The following CNTNAP3 variants were observed in gnomAD, a reference collection of about 807,000 sequenced individuals.
CNTNAP3 encodes contactin-associated protein-like 3.
Under a neutral mutation model 92.1 loss-of-function variants are expected in CNTNAP3, and 36 were observed. The observed-to-expected ratio is 0.39, with a 90% confidence interval of 0.30 to 0.52. The LOEUF (loss-of-function observed/expected upper bound fraction) is 0.52, where lower values mean the gene tolerates loss of function less well. Among genes scored for constraint, CNTNAP3 ranks in the 20% least tolerant of loss-of-function variants. The pLI is 0.76. For synonymous variants in CNTNAP3, 232 were observed against 422.3 expected (o/e 0.55, Z 5.53); for missense variants, 534 against 1,069.6 (o/e 0.50, Z 6.98).
rs1459767218 is a variant in CNTNAP3, at chr9:39,272,033, G to A, written c.86-5027C>T. Among the ~76,000 whole-genome samples the A allele has an allele frequency of 3.0e-4, 6 of 19,958 alleles. 3 individuals are homozygous for A. The highest frequency in any genetic ancestry group is 4.3e-4 in the Non-Finnish European group (4 of 9,276). The allele number at this position is 19,958 out of a possible 152,430, so 13.1% of individuals were successfully genotyped here. On this transcript the variant is annotated intron_variant, in intron 1 of 23. Transcript: ENST00000297668. ...TCACCATGTTAGCCAGGATGGTATC[G>A]ATCTCCTGACCTCGTGACCCGCCTG...
intron 21 of CNTNAP3, among the ~76,000 whole-genome samples, chr9:39,079,399 T>C (rs1825877016): frequency 6.9e-6 from 1 of 145,982 alleles, no homozygotes; most frequent in African/African-American, 2.5e-5. Flanking sequence ...ATAAACTGTA[T>C]CTTTTGTCAT....
intron 14 of CNTNAP3, among the ~76,000 whole-genome samples, chr9:39,112,379 CTT>C (rs1021983261): frequency 2.7e-5 from 4 of 149,952 alleles, no homozygotes; most frequent in Non-Finnish European, 5.9e-5. Context: ...TTTTTTTTTT[CTT>C]TGAGACAGAG....
At chr9:39,109,779 C>T (rs1014809012) in intron 14 of CNTNAP3, among the ~76,000 whole-genome samples, 2 of 152,096 alleles carry the variant, frequency 1.3e-5, no homozygotes, top group African/African-American at 4.8e-5. Flanking sequence ...TTTGCCAATT[C>T]CTGATCTAAA....
chr9:39,069,698 C>A lies in CNTNAP3; in HGVS notation c.*4192G>T, dbSNP rs1306156022. On this transcript the variant is annotated 3_prime_UTR_variant, in exon 24 of 24. Coordinates refer to ENST00000297668, the MANE Select transcript of CNTNAP3 (RefSeq NM_033655.5). ...CTGCTACTACTCCTAGTAATGGCAA[C>A]TTTATGTAACCTTCTTAAGGTTACA... Among the ~76,000 whole-genome samples, 2 of 152,340 alleles carry A rather than the reference C, an allele frequency of 1.3e-5. No individual in the cohort carries two copies. Among genetic ancestry groups the A allele is most frequent in the East Asian group, 3.9e-4 (2 of 5,118 alleles).
Position 39,121,559 on chromosome 9 carries a change from C to T in CNTNAP3, c.2081-3300G>A, listed in dbSNP as rs1563884649. Among the ~76,000 whole-genome samples the T allele has an allele frequency of 2.0e-5, 3 of 152,136 alleles. No individual in the cohort carries two copies. In the East Asian group the frequency reaches 5.8e-4, roughly 29 times the overall value. ...CTAAAGCTGCAGAGACAAGTGAAAACAGCATCACAGCTAATGGAGCCAAAG... is the reference window on the plus strand; with the variant it reads ...CTAAAGCTGCAGAGACAAGTGAAAATAGCATCACAGCTAATGGAGCCAAAG... On this transcript the variant is annotated intron_variant, in intron 13 of 23. Transcript: ENST00000297668.
At position 39,109,034 on chromosome 9, in the gene CNTNAP3, C is replaced by G. The variant is rs1293447105; in HGVS notation, c.2365+126G>C. 4.2e-6 allele frequency: 6 copies of G among 1,423,246 alleles called. No homozygotes were observed. In the East Asian group the frequency reaches 1.0e-4, roughly 24 times the overall value. The allele number at this position is 1,423,246 out of a possible 1,614,324, so 88.2% of individuals were successfully genotyped here. ...GTGCCTTTATGGTATGTGTGTTTTC[C>G]TGATATTCGCCCCAGTCCTAGTACT... On this transcript the variant is annotated intron_variant, in intron 15 of 23. Transcript: ENST00000297668.
chr9:39,154,267 T>G (rs1339687237), intron 9 of CNTNAP3: 1 of 311,058 alleles, frequency 3.2e-6, no homozygotes, highest in Non-Finnish European at 6.4e-6. Flanking sequence ...TCAGATGACC[T>G]GCAAATTGGG....
chr9:39,093,349 C>A (rs1452570182), intron 18 of CNTNAP3, among the ~76,000 whole-genome samples: 3 of 146,588 alleles, frequency 2.0e-5, no homozygotes, highest in East Asian at 4.0e-4. Flanking sequence ...TAATTTCTTT[C>A]TTGATTTCAC....
At chr9:39,098,409 C>T (rs569725520) in intron 18 of CNTNAP3, among the ~76,000 whole-genome samples, 1 of 152,016 alleles carries the variant, frequency 6.6e-6, no homozygotes, top group African/African-American at 2.4e-5. Context: ...AAAGAATTTA[C>T]TGAAAATCCA....
At chr9:39,147,533 T>C (rs897732119) in intron 10 of CNTNAP3, among the ~76,000 whole-genome samples, 16 of 152,194 alleles carry the variant, frequency 1.1e-4, no homozygotes, top group Non-Finnish European at 2.1e-4. Context: ...AAATAGTAAA[T>C]AGCCTTTATT....
chr9:39,085,943 A>G, intron 20 of CNTNAP3, 120 bp from the exon 21 acceptor site: 11 of 947,230 alleles, frequency 1.2e-5, no homozygotes, highest in Non-Finnish European at 1.8e-5. Context: ...CCATTACAAA[A>G]GCTCAAGAAG....
chr9:39,087,753 T>C (rs1399773759), intron 19 of CNTNAP3, among the ~76,000 whole-genome samples: 1 of 152,160 alleles, frequency 6.6e-6, no homozygotes. Flanking sequence ...CCCAAAGTGC[T>C]GCGATTACAG....
At chr9:39,109,308 C>T (rs747175944) in intron 14 of CNTNAP3, 21 bp from the exon 15 acceptor site, 9 of 1,610,184 alleles carry the variant, frequency 5.6e-6, no homozygotes, top group South Asian at 1.1e-5. Flanking sequence ...ACAACCGAAA[C>T]CATTAAAATT....
At chr9:39,080,202 G>A (rs1195511949) in intron 21 of CNTNAP3, among the ~76,000 whole-genome samples, 2 of 140,884 alleles carry the variant, frequency 1.4e-5, no homozygotes, top group Non-Finnish European at 3.0e-5. Flanking sequence ...GTCTTTCATC[G>A]TCCAGCTTAG....
chr9:39,099,906 C>T lies in CNTNAP3; in HGVS notation c.2995+5G>A. ...CCCTATAACCTGCTCCTTGGTCACA[C>T]TTACCATTGGAGCAGAACGGCCCAT... On this transcript the variant is annotated splice_donor_5th_base_variant and intron_variant, in intron 18 of 23. Coordinates refer to ENST00000297668, the MANE Select transcript of CNTNAP3 (RefSeq NM_033655.5). The T allele has an allele frequency of 6.2e-7, 1 of 1,610,920 alleles. No individual in the cohort carries two copies. The highest frequency in any genetic ancestry group is 8.5e-7 in the Non-Finnish European group (1 of 1,179,276).
At chr9:39,261,481 TC>T (rs1822876755) in intron 2 of CNTNAP3, among the ~76,000 whole-genome samples, 1 of 5,144 alleles carries the variant, frequency 1.9e-4, no homozygotes, top group Non-Finnish European at 6.0e-4. Context: ...TCATGCATCT[TC>T]CCAGAAAGTC....
intron 18 of CNTNAP3, among the ~76,000 whole-genome samples, chr9:39,093,077 A>G (rs1281608416): frequency 2.9e-5 from 4 of 137,214 alleles, no homozygotes; most frequent in African/African-American, 5.4e-5. Context: ...CCCTTCTTTT[A>G]TTTTCAACTA....
rs562518005 is a variant in CNTNAP3 at position 39,107,134 on chromosome 9, C to G, written c.2365+2026G>C. 4.6e-5 allele frequency among the ~76,000 whole-genome samples: 7 copies of G among 151,714 alleles called. No individual in the cohort carries two copies. The South Asian group carries it at 1.5e-3, about 32-fold the overall frequency. ...TGAATTAAATGTCTGGACAGACCTG[C>G]CAGACAGACCTGTGGTGTAGACTTA... On this transcript the variant is annotated intron_variant, in intron 15 of 23. Coordinates refer to ENST00000297668, the MANE Select transcript of CNTNAP3 (RefSeq NM_033655.5).
chr9:39,100,937 G>A (rs575289330), intron 17 of CNTNAP3, among the ~76,000 whole-genome samples: 30 of 150,180 alleles, frequency 2.0e-4, no homozygotes, highest in Non-Finnish European at 1.2e-4. Context: ...CAATTCGGTG[G>A]GCCTAAGGTG....
Sources: allele counts gnomAD v4.1 joint callset (sites outside exome capture counted in the v4.1 genomes callset), GRCh38; gene constraint gnomAD v4.1.1; transcripts MANE v1.5; gene names NCBI Gene and HGNC (gene_info 2026-07-23, HGNC 2026-07-21).